AUTS2: variants seen among roughly 807,000 people sequenced by gnomAD.
AUTS2 encodes activator of transcription and developmental regulator AUTS2.
Under a neutral mutation model 112.4 loss-of-function variants are expected in AUTS2, and 17 were observed. The ratio of observed to expected loss-of-function variants is 0.15; its 90% CI spans 0.10 to 0.23. The LOEUF (loss-of-function observed/expected upper bound fraction) is 0.23. AUTS2 is among the 10% of genes least tolerant of loss of function. The probability of loss-of-function intolerance (pLI) is 1.00; values close to 1 mark genes in which losing one functional copy is unlikely to be tolerated. For synonymous variants in AUTS2, 751 were observed against 702.7 expected (o/e 1.07, Z -1.09); for missense variants, 1,510 against 1,701.6 (o/e 0.89, Z 1.98).
At chr7:69,940,818 T>C (rs2129544937) in intron 2 of AUTS2, among the ~76,000 whole-genome samples, 1 of 152,156 alleles carries the variant, frequency 6.6e-6, no homozygotes, top group South Asian at 2.1e-4. Flanking sequence ...GCTTAGGAGC[T>C]TATTAGGATG....
intron 1 of AUTS2, among the ~76,000 whole-genome samples, chr7:69,709,117 C>A (rs191949882): frequency 6.6e-6 from 1 of 152,134 alleles, no homozygotes; most frequent in African/African-American, 2.4e-5. Flanking sequence ...GCAGACTTAG[C>A]GGAACTGCAC....
At chr7:69,901,387 T>C (rs1015962315) in intron 2 of AUTS2, among the ~76,000 whole-genome samples, 4 of 152,212 alleles carry the variant, frequency 2.6e-5, no homozygotes, top group Non-Finnish European at 4.4e-5. Context: ...AGACGTGATC[T>C]GACTTTTCTA....
chr7:70,266,175 G>A (rs1427660148), intron 4 of AUTS2, among the ~76,000 whole-genome samples: 9 of 152,186 alleles, frequency 5.9e-5, no homozygotes, highest in Non-Finnish European at 1.0e-4. Context: ...TAAACAAAAT[G>A]TGGTGTATCC....
chr7:69,605,416 G>A (rs767603945), intron 1 of AUTS2, among the ~76,000 whole-genome samples: 9 of 152,192 alleles, frequency 5.9e-5, no homozygotes, highest in Admixed American at 1.3e-4. Flanking sequence ...AACCCCACCA[G>A]GAGGTGAATA....
At chr7:69,600,408 C>CGTGTGTGTGT (rs113179115) in intron 1 of AUTS2, among the ~76,000 whole-genome samples, 12 of 143,404 alleles carry the variant, frequency 8.4e-5, no homozygotes, top group Admixed American at 2.8e-4. Flanking sequence ...GTCATATGTT[C>CGTGTGTGTGT]GTGTGTGTGT....
intron 5 of AUTS2, among the ~76,000 whole-genome samples, chr7:70,545,996 A>C (rs904980064): frequency 2.0e-5 from 3 of 152,228 alleles, no homozygotes; most frequent in Non-Finnish European, 4.4e-5. Flanking sequence ...TTCCCATAAC[A>C]ATAAGCTAAA....
chr7:70,448,167 G>T (rs767697250), intron 5 of AUTS2, among the ~76,000 whole-genome samples: 1 of 152,174 alleles, frequency 6.6e-6, no homozygotes, highest in Admixed American at 6.5e-5. Context: ...GTTCTGACAC[G>T]GAAATACCCC....
intron 1 of AUTS2, among the ~76,000 whole-genome samples, chr7:69,719,888 A>G (rs1798828044): frequency 6.6e-6 from 1 of 152,148 alleles, no homozygotes; most frequent in Admixed American, 6.5e-5. Flanking sequence ...AATTAATAGC[A>G]AGTGGAGTGA....
At chr7:70,691,433 AAC>A (rs1491408163) in intron 5 of AUTS2, among the ~76,000 whole-genome samples, 4 of 134,554 alleles carry the variant, frequency 3.0e-5, no homozygotes, top group Non-Finnish European at 6.4e-5. Flanking sequence ...AAAAAAAAAA[AAC>A]AATCTTCCTG....
chr7:69,687,677 GAAT>G, intron 1 of AUTS2, among the ~76,000 whole-genome samples: 1 of 152,276 alleles, frequency 6.6e-6, no homozygotes, highest in South Asian at 2.1e-4. Flanking sequence ...GAGACTATCT[GAAT>G]AATGACCTTT....
intron 4 of AUTS2, among the ~76,000 whole-genome samples, chr7:70,304,935 A>G (rs1014026309): frequency 3.9e-5 from 6 of 152,080 alleles, no homozygotes; most frequent in Non-Finnish European, 8.8e-5. Flanking sequence ...AAATTTCAAG[A>G]AAAACATTTA....
chr7:70,152,566 T>A (rs1224008133), intron 4 of AUTS2, among the ~76,000 whole-genome samples: 1 of 151,700 alleles, frequency 6.6e-6, no homozygotes, highest in Non-Finnish European at 1.5e-5. Flanking sequence ...GAGATGATAA[T>A]CCACAGGCTA....
At chr7:70,644,114 A>G (rs1585427714) in intron 5 of AUTS2, among the ~76,000 whole-genome samples, 1 of 152,202 alleles carries the variant, frequency 6.6e-6, no homozygotes. Context: ...GGCTCATTCA[A>G]CAAGTAGTTA....
intron 1 of AUTS2, among the ~76,000 whole-genome samples, chr7:69,841,589 G>A (rs1791982296): frequency 6.6e-6 from 1 of 152,142 alleles, no homozygotes; most frequent in South Asian, 2.1e-4. Flanking sequence ...GGAAGAAACA[G>A]ACCAAAAATG....
intron 4 of AUTS2, among the ~76,000 whole-genome samples, chr7:70,163,359 C>CA (rs1808214161): frequency 2.6e-4 from 1 of 3,846 alleles, no homozygotes; most frequent in Non-Finnish European, 9.9e-4. Flanking sequence ...GGGGGGGGGG[C>CA]AGAGGGGGAG....
In AUTS2 at chr7:70,624,004, C is replaced by T. The variant is rs534083599; in HGVS notation, c.691-74565C>T. ...CTCTGGTAATCGTCGCTGTCTCCTT[C>T]CATCAGGTTAGACTACCAGGGAAGT... On this transcript the variant is annotated intron_variant, in intron 5 of 18. Transcript: ENST00000342771. 3.3e-5 allele frequency among the ~76,000 whole-genome samples: 5 copies of T among 152,348 alleles called. No individual in the cohort carries two copies. The South Asian group carries it at 1.0e-3, about 32-fold the overall frequency.
intron 2 of AUTS2, among the ~76,000 whole-genome samples, chr7:69,911,491 G>A (rs1411803972): frequency 3.9e-5 from 6 of 152,196 alleles, no homozygotes; most frequent in South Asian, 2.1e-4. Flanking sequence ...AACAGGTCTC[G>A]AGTTCATGTC....
chr7:69,711,035 T>C (rs1192528436), intron 1 of AUTS2, among the ~76,000 whole-genome samples: 1 of 152,198 alleles, frequency 6.6e-6, no homozygotes, highest in African/African-American at 2.4e-5. Flanking sequence ...GTTTCCTTTT[T>C]GTGCCTTAAC....
At chr7:70,469,789 C>T (rs1797308138) in intron 5 of AUTS2, among the ~76,000 whole-genome samples, 2 of 152,140 alleles carry the variant, frequency 1.3e-5, no homozygotes, top group Admixed American at 6.5e-5. Context: ...TACAGGCACC[C>T]GCCACCACGC....
Sources: allele counts gnomAD v4.1 joint callset (sites outside exome capture counted in the v4.1 genomes callset), GRCh38; gene constraint gnomAD v4.1.1; transcripts MANE v1.5; gene names NCBI Gene and HGNC (gene_info 2026-07-23, HGNC 2026-07-21).